Variants in CYFIP2 observed in about 807,000 individuals in gnomAD.
CYFIP2 encodes cytoplasmic FMR1 interacting protein 2.
CYFIP2 carries 29 observed loss-of-function variants against 158.7 expected under a neutral mutation model. The observed-to-expected ratio is 0.18, with a 90% confidence interval of 0.14 to 0.25. The LOEUF is 0.25. Ranked by LOEUF, CYFIP2 falls within the 10% of genes least tolerant of loss-of-function variation. The pLI is 1.00. For missense variants in CYFIP2, 852 were observed against 1,639.5 expected (o/e 0.52, Z 8.29); for synonymous variants, 585 against 617.6 (o/e 0.95, Z 0.78).
intron 15 of CYFIP2, among the ~76,000 whole-genome samples, chr5:157,323,469 G>A (rs1245397033): frequency 6.6e-6 from 1 of 152,210 alleles, no homozygotes; most frequent in Non-Finnish European, 1.5e-5. Flanking sequence ...TGTTACATGA[G>A]ACAACTGAGG....
rs1762069413 is a variant in CYFIP2 at position 157,339,136 on chromosome 5, C to A, written c.2465C>A (p.Ala822Asp). Residue 822 changes from alanine (A) to aspartate (D), a missense_variant, in exon 22 of 31, where the codon GCC (alanine) becomes GAC (aspartate). Ala to Asp is a moderately radical substitution (Grantham distance 126, BLOSUM62 -2). Coordinates refer to ENST00000620254, the MANE Select transcript of CYFIP2 (RefSeq NM_001037333.3). Reference sequence around the variant, plus strand: ...CATATGACGCTGGACAGCTTCGATGCCATGTTCCGAGAGGCCAATCACAAT... The same window carrying A: ...CATATGACGCTGGACAGCTTCGATGACATGTTCCGAGAGGCCAATCACAAT... The part of the protein sequence containing the change: ...CKHMTLDSFD[A>D]MFREANHNVS... 1 of 1,613,928 alleles carries A rather than the reference C, an allele frequency of 6.2e-7. No individual in the cohort carries two copies. Among genetic ancestry groups the A allele is most frequent in the Non-Finnish European group, 8.5e-7 (1 of 1,179,908 alleles).
chr5:157,287,162 G>A, intron 3 of CYFIP2, 54 bp downstream of exon 3: 1 of 1,440,962 alleles, frequency 6.9e-7, no homozygotes, highest in East Asian at 2.3e-5. Flanking sequence ...GCTGGCAGGG[G>A]CCGCGGGCAG....
intron 28 of CYFIP2, chr5:157,384,593 C>T (rs1261801349): frequency 2.3e-6 from 1 of 433,298 alleles, no homozygotes; most frequent in Non-Finnish European, 4.8e-6. Context: ...GAGGAAGCCA[C>T]CCCAGCCCGG....
intron 21 of CYFIP2, among the ~76,000 whole-genome samples, chr5:157,336,656 C>G (rs1761879368): frequency 1.3e-5 from 2 of 152,188 alleles, no homozygotes; most frequent in African/African-American, 2.4e-5. Flanking sequence ...CTCTTTCTCC[C>G]ACTACTCTGA....
At chr5:157,316,541 G>T (rs1230165715) in intron 13 of CYFIP2, among the ~76,000 whole-genome samples, 1 of 152,202 alleles carries the variant, frequency 6.6e-6, no homozygotes, top group East Asian at 1.9e-4. Context: ...ATTACAAAAT[G>T]ATGTTTCTAT....
chr5:157,287,062 C>T lies in CYFIP2; in HGVS notation c.161C>T (p.Thr54Met). The change falls in exon 3 of 31, where the codon ACG becomes ATG. Residue 54 changes from threonine (T) to methionine (M), a missense_variant. Physicochemically the swap from Thr to Met is moderately conservative, Grantham distance 81. Transcript: ENST00000620254. ...TTTGAGGACAGGAATGCATTTGTCACGGGCATTGCAAGGTACATTGAGCAG... is the reference window on the plus strand; with the variant it reads ...TTTGAGGACAGGAATGCATTTGTCATGGGCATTGCAAGGTACATTGAGCAG... ...TNFEDRNAFV[T>M]GIARYIEQAT... 6.2e-7 allele frequency: 1 copy of T among 1,613,526 alleles called. No individual in the cohort carries two copies. Among genetic ancestry groups the T allele is most frequent in the Non-Finnish European group, 8.5e-7 (1 of 1,179,550 alleles).
chr5:157,351,210 C>T (rs1349077403), intron 23 of CYFIP2, among the ~76,000 whole-genome samples: 1 of 152,044 alleles, frequency 6.6e-6, no homozygotes, highest in Non-Finnish European at 1.5e-5. Context: ...CAGATGAACC[C>T]ATGTCTGTAA....
At position 157,332,588 on chromosome 5, in the gene CYFIP2, ATTTTAATCCAGTTTC is replaced by A. The variant is rs984657348; in HGVS notation, c.2266-736_2266-722del. 1.4e-3 allele frequency among the ~76,000 whole-genome samples: 218 copies of A among 152,292 alleles called. 1 individual carries two copies. The highest frequency in any genetic ancestry group is 5.0e-3 in the African/African-American group (208 of 41,566). On this transcript the variant is annotated intron_variant, in intron 20 of 30. Coordinates refer to ENST00000620254, the MANE Select transcript of CYFIP2 (RefSeq NM_001037333.3). ...ATTCGTCCCAGTTATGTCCTTTGTA[ATTTTAATCCAGTTTC>A]TTATCGGTGCATGCACGTAGTTGTC...
chr5:157,324,439 G>T (rs184079678), intron 16 of CYFIP2, among the ~76,000 whole-genome samples: 1 of 152,278 alleles, frequency 6.6e-6, no homozygotes, highest in East Asian at 1.9e-4. Flanking sequence ...GCCAGCAGGG[G>T]AGGCTCTCGA....
chr5:157,306,267 CT>C (rs201206036), intron 8 of CYFIP2, among the ~76,000 whole-genome samples: 2,561 of 152,334 alleles, frequency 0.017, 34 homozygotes, highest in Middle Eastern at 0.044. Context: ...TTCACTCTGG[CT>C]TCGTCCCAAC....
intron 5 of CYFIP2, among the ~76,000 whole-genome samples, chr5:157,300,191 A>ATGCATTGGTT (rs1313894712): frequency 2.0e-5 from 3 of 152,130 alleles, no homozygotes; most frequent in African/African-American, 2.4e-5. Flanking sequence ...TGTTGAATGA[A>ATGCATTGGTT]TGCATTGGTT....
At chr5:157,346,076 T>TTA (rs768199565) in intron 23 of CYFIP2, among the ~76,000 whole-genome samples, 1 of 152,168 alleles carries the variant, frequency 6.6e-6, no homozygotes, top group Non-Finnish European at 1.5e-5. Flanking sequence ...TCATCTTTCT[T>TTA]TATTCTTGAC....
intron 26 of CYFIP2, chr5:157,365,544 T>C (rs774338073): frequency 3.3e-5 from 5 of 152,072 alleles, no homozygotes; most frequent in Admixed American, 1.3e-4. Flanking sequence ...GGTGTTCTGG[T>C]GGTTTCAATT....
At chr5:157,285,216 G>C in intron 1 of CYFIP2, 123 bp from the exon 2 acceptor site, 3 of 637,572 alleles carry the variant, frequency 4.7e-6, no homozygotes, top group Non-Finnish European at 8.3e-6. Flanking sequence ...AGTGGTGAGT[G>C]GAAGTGGCCT....
rs1246171096 is a variant in CYFIP2, at chr5:157,314,400, C to T, written c.1167C>T (p.Leu389=). ...SQKSDEEYRE[L]FDLALRGLQL... ...AGTCAGACGAGGAGTATCGCGAGCTCTTCGACCTAGCCCTGCGGGGTCTGC... is the reference window on the plus strand; with the variant it reads ...AGTCAGACGAGGAGTATCGCGAGCTTTTCGACCTAGCCCTGCGGGGTCTGC... The change falls in exon 12 of 31, where the codon CTC becomes CTT. Residue 389 remains leucine (L), a synonymous_variant. Coordinates refer to ENST00000620254, the MANE Select transcript of CYFIP2 (RefSeq NM_001037333.3). 5 of 1,613,816 alleles carry T rather than the reference C, an allele frequency of 3.1e-6. No individual in the cohort carries two copies. Among genetic ancestry groups the T allele is most frequent in the Admixed American group, 3.3e-5 (2 of 60,010 alleles).
At chr5:157,316,754 T>G (rs1760178403) in intron 13 of CYFIP2, among the ~76,000 whole-genome samples, 1 of 152,192 alleles carries the variant, frequency 6.6e-6, no homozygotes, top group Non-Finnish European at 1.5e-5. Context: ...CCCAGGGTTA[T>G]TGTGGAGAAT....
Position 157,323,946 on chromosome 5 carries a change from A to C in CYFIP2, c.1697A>C (p.Glu566Ala). 1 of 1,597,874 alleles carries C rather than the reference A, an allele frequency of 6.3e-7. No homozygotes were observed. Among genetic ancestry groups the C allele is most frequent in the Non-Finnish European group, 8.5e-7 (1 of 1,171,478 alleles). ...TQLYMVRTML[E>A]SLIADKSGSK... ...CTGTACATGGTGCGGACCATGCTTG[A>C]ATCACTCATTGCAGACAAAAGCGGC... is the stretch of plus-strand genomic sequence containing the variant. Residue 566 changes from glutamate (E) to alanine (A), a missense_variant, in exon 16 of 31, where the codon GAA becomes GCA. By Grantham distance (107) the Glu-to-Ala change is moderately radical. Transcript: ENST00000620254.
rs1211441355 is a variant in CYFIP2, at chr5:157,330,791, A to G, written c.2206A>G (p.Ile736Val). 1 of 1,614,042 alleles carries G rather than the reference A, an allele frequency of 6.2e-7. No homozygotes were observed. The highest frequency in any genetic ancestry group is 8.5e-7 in the Non-Finnish European group (1 of 1,179,900). ...AGCTGAGTGTAAGAATTATGGCGTC[A>G]TCATTCCGTATCCACCGTCCAATCG... is the stretch of plus-strand genomic sequence containing the variant. ...FRAECKNYGV[I>V]IPYPPSNRYE... Residue 736 changes from isoleucine (I) to valine (V), a missense_variant, in exon 20 of 31, where the codon ATC becomes GTC. Physicochemically the swap from Ile to Val is conservative, Grantham distance 29 (BLOSUM62 3). This residue lies in a region of CYFIP2 where 191 missense variants were observed against 311.2 expected (regional missense o/e 0.61). Transcript: ENST00000620254.
At chr5:157,342,810 T>C (rs890806943) in intron 23 of CYFIP2, 1 of 1,525,030 alleles carries the variant, frequency 6.6e-7, no homozygotes, top group African/African-American at 1.4e-5. Flanking sequence ...ACAAACGACC[T>C]ACTGTGTGGA....
Sources: allele counts gnomAD v4.1 joint callset (sites outside exome capture counted in the v4.1 genomes callset), GRCh38; gene constraint gnomAD v4.1.1; regional missense constraint gnomAD v4.1.1; transcripts MANE v1.5; gene names NCBI Gene and HGNC (gene_info 2026-07-23, HGNC 2026-07-21).